MROH1: variants seen among roughly 807,000 people sequenced by gnomAD.
MROH1 encodes the protein maestro heat-like repeat-containing protein family member 1.
Under a neutral mutation model 116.5 loss-of-function variants are expected in MROH1, and 117 were observed. The observed-to-expected ratio is 1.00, with a 90% CI of 0.86 to 1.17. The LOEUF (loss-of-function observed/expected upper bound fraction) is 1.17, where lower values mean the gene tolerates loss of function less well. Ranked by LOEUF, MROH1 falls within the 50% of genes most tolerant of loss-of-function variation. The pLI is 0.00. For missense variants in MROH1, 1,873 were observed against 1,338.5 expected (o/e 1.40, Z -6.23); for synonymous variants, 921 against 583.9 (o/e 1.58, Z -8.32).
In MROH1 at chr8:144,244,507, A is replaced by G; in HGVS notation, c.2734A>G (p.Met912Val). The change falls in exon 28 of 44, where the codon ATG becomes GTG. Residue 912 changes from methionine (M) to valine (V), a missense_variant. Coordinates refer to ENST00000326134, the MANE Select transcript of MROH1 (RefSeq NM_032450.3). The stretch of plus-strand genomic sequence containing the variant: ...GCTGACGAGCCTCCTGCAGCGGAAC[A>G]TGACCCCCCAAGGCCTGCAGATCAT... ...DLLTSLLQRN[M>V]TPQGLQIMIE... is the part of the protein sequence containing the mutation. 1 of 773,454 alleles carries G rather than the reference A, an allele frequency of 1.3e-6. No homozygotes were observed. 47.9% of individuals were successfully genotyped at this position (773,454 alleles called of 1,614,324 possible).
intron 3 of MROH1, among the ~76,000 whole-genome samples, chr8:144,166,891 T>C (rs1456211893): frequency 6.6e-6 from 1 of 152,212 alleles, no homozygotes; most frequent in Non-Finnish European, 1.5e-5. Flanking sequence ...CGGGTTTGCT[T>C]TACTGGCTGA....
rs561828182 is a variant in MROH1, at chr8:144,182,952, G to A, written c.562+2429G>A. Among the ~76,000 whole-genome samples, 47 of 152,196 alleles carry A rather than the reference G, an allele frequency of 3.1e-4. No individual in the cohort carries two copies. Among genetic ancestry groups the A allele is most frequent in the South Asian group, 8.3e-4 (4 of 4,824 alleles). Reference sequence around the variant, plus strand: ...AAATTAGCCGGGTGTGGTGGCGCATGTCTGTAATCCCTGATACTGTGGATG... The same window carrying A: ...AAATTAGCCGGGTGTGGTGGCGCATATCTGTAATCCCTGATACTGTGGATG... On this transcript the variant is annotated intron_variant, in intron 7 of 43. Transcript: ENST00000326134. This position sits in a 1 kb window ranked among gnomAD's most constrained non-coding sequence, Gnocchi z 4.1.
chr8:144,256,713 G>A (rs1293523873), intron 35 of MROH1, among the ~76,000 whole-genome samples: 1 of 152,264 alleles, frequency 6.6e-6, no homozygotes, highest in Non-Finnish European at 1.5e-5. Flanking sequence ...CCGTTCGCCA[G>A]TGGGTCGGAC....
In MROH1 at chr8:144,222,742, G is replaced by C. The variant is rs555633583; in HGVS notation, c.1216-366G>C. Among the ~76,000 whole-genome samples, 5 of 152,232 alleles carry C rather than the reference G, an allele frequency of 3.3e-5. No homozygotes were observed. In the South Asian group the frequency reaches 8.3e-4, roughly 25 times the overall value. On this transcript the variant is annotated intron_variant, in intron 13 of 43. Transcript: ENST00000326134. ...TATGGATGCAGGCACAGGTGCAAGT[G>C]TGGGTGCAGGCATAGGTGTGGGTAT...
chr8:144,250,538 G>C (rs1257516279), intron 33 of MROH1, 172 bp downstream of exon 33: 10 of 680,970 alleles, frequency 1.5e-5, no homozygotes, highest in East Asian at 1.4e-4. Context: ...AGTCTCTCAG[G>C]TACCCACGGG....
At chr8:144,154,222 G>A (rs966414636) in intron 1 of MROH1, among the ~76,000 whole-genome samples, 2 of 151,934 alleles carry the variant, frequency 1.3e-5, no homozygotes, top group Admixed American at 6.6e-5. Flanking sequence ...GTGCCACCAC[G>A]CCGGCTAATT....
At chr8:144,223,752 C>T (rs565661551) in intron 14 of MROH1, among the ~76,000 whole-genome samples, 6 of 152,172 alleles carry the variant, frequency 3.9e-5, no homozygotes, top group African/African-American at 9.7e-5. Flanking sequence ...AGCTGCAGCC[C>T]GCTGGCTGCT....
chr8:144,211,811 G>A (rs1834162269), intron 12 of MROH1, among the ~76,000 whole-genome samples: 1 of 152,048 alleles, frequency 6.6e-6, no homozygotes, highest in African/African-American at 2.4e-5. Flanking sequence ...GTAGTGGATT[G>A]GTTTCCTATC....
At position 144,152,555 on chromosome 8, in the gene MROH1, A is replaced by ATTATTTTTT. The variant is rs1369841266; in HGVS notation, c.-177+4481_-177+4482insATTTTTTTT. 3.6e-3 allele frequency among the ~76,000 whole-genome samples: 473 copies of ATTATTTTTT among 130,580 alleles called. 1 individual carries two copies. Among genetic ancestry groups the ATTATTTTTT allele is most frequent in the African/African-American group, 0.012 (448 of 35,978 alleles). The allele number at this position is 130,580 out of a possible 152,430, so 85.7% of individuals were successfully genotyped here. A position where few individuals can be genotyped will look rare whatever the true frequency, so the allele number is the denominator to read the frequency against. The stretch of plus-strand genomic sequence containing the variant: ...AGGCGTGTGAAAAATTATTATTATT[A>ATTATTTTTT]TTTTTTTTTTTGAGACAGTCTCGCT... On this transcript the variant is annotated intron_variant, in intron 1 of 43. Coordinates refer to ENST00000326134, the MANE Select transcript of MROH1 (RefSeq NM_032450.3).
chr8:144,158,913 A>AT, intron 1 of MROH1, among the ~76,000 whole-genome samples: 1 of 151,964 alleles, frequency 6.6e-6, no homozygotes. Context: ...TAGTTTTTGT[A>AT]TTTTTTGTAG....
At chr8:144,233,812 T>C (rs565050238) in intron 14 of MROH1, among the ~76,000 whole-genome samples, 62 of 152,222 alleles carry the variant, frequency 4.1e-4, no homozygotes, top group Non-Finnish European at 7.3e-4. Flanking sequence ...TGTTGCTTTG[T>C]AGCAAATTCT....
chr8:144,247,562 C>T lies in MROH1; in HGVS notation c.3008-5C>T. On this transcript the variant is annotated splice_region_variant and splice_polypyrimidine_tract_variant and intron_variant, in intron 30 of 43. Transcript: ENST00000326134. ...GCCCGACTGCTCATTCCTGCCGCCT[C>T]TCAGGCTTCTCCCGGGACTACCGCG... 1 of 773,468 alleles carries T rather than the reference C, an allele frequency of 1.3e-6. No homozygotes were observed. The highest frequency in any genetic ancestry group is 1.4e-5 in the South Asian group (1 of 73,556). 47.9% of individuals were successfully genotyped at this position (773,468 alleles called of 1,614,324 possible).
At chr8:144,148,578 C>T (rs1446473448) in intron 1 of MROH1, 1 of 152,692 alleles carries the variant, frequency 6.5e-6, no homozygotes, top group Non-Finnish European at 1.5e-5. Flanking sequence ...TGCCCCGGGC[C>T]TCCGTATGCC....
intron 9 of MROH1, among the ~76,000 whole-genome samples, 158 bp from the exon 10 acceptor site, chr8:144,192,151 G>C (rs1467415556): frequency 6.6e-6 from 1 of 152,218 alleles, no homozygotes; most frequent in Non-Finnish European, 1.5e-5. Flanking sequence ...CTGAGTTCTA[G>C]AGGTAGACGA....
At chr8:144,162,080 T>C (rs565018663) in intron 2 of MROH1, among the ~76,000 whole-genome samples, 1 of 149,144 alleles carries the variant, frequency 6.7e-6, no homozygotes, top group South Asian at 2.1e-4. Context: ...TTTGTTTTTC[T>C]TTTCTTTTTT....
In MROH1 at chr8:144,261,350, G is replaced by A. The variant is rs1359997771; in HGVS notation, c.4840+1G>A. 1 of 705,874 alleles carries A rather than the reference G, an allele frequency of 1.4e-6. No homozygotes were observed. The highest frequency in any genetic ancestry group is 2.6e-6 in the Non-Finnish European group (1 of 388,000). 43.7% of individuals were successfully genotyped at this position (705,874 alleles called of 1,614,324 possible). The stretch of plus-strand genomic sequence containing the variant: ...GTGGACCTGGACCAGCTCATTGCGG[G>A]TGAGCACCCCTCCACGGGGCCCCTC... On this transcript the variant is annotated splice_donor_variant, in intron 43 of 43. Coordinates refer to ENST00000326134, the MANE Select transcript of MROH1 (RefSeq NM_032450.3). LOFTEE classifies it high-confidence loss of function.
intron 1 of MROH1, among the ~76,000 whole-genome samples, chr8:144,160,011 C>T (rs1179860951): frequency 2.0e-5 from 3 of 152,090 alleles, no homozygotes; most frequent in Non-Finnish European, 2.9e-5. Context: ...GCTCATGATC[C>T]ACCCGCCTCG....
chr8:144,158,765 AC>A (rs1818786427), intron 1 of MROH1, among the ~76,000 whole-genome samples: 1 of 150,560 alleles, frequency 6.6e-6, no homozygotes, highest in African/African-American at 2.5e-5. Flanking sequence ...ATTTTTAGCG[AC>A]AGGGTCTCAC....
intron 3 of MROH1, among the ~76,000 whole-genome samples, chr8:144,165,912 G>A (rs1372825623): frequency 6.6e-6 from 1 of 151,226 alleles, no homozygotes; most frequent in African/African-American, 2.4e-5. Context: ...TGGAGTCTCT[G>A]TCTGTTACCC....
Sources: gnomAD v4.1 joint callset for allele counts (sites outside exome capture counted in the v4.1 genomes callset) on GRCh38, gnomAD v4.1.1 for gene constraint, Gnocchi (gnomAD v3.1) non-coding constraint, MANE v1.5 for transcripts, NCBI Gene and HGNC (gene_info 2026-07-23, HGNC 2026-07-21) for gene names.